TTC34: variants seen among roughly 807,000 people sequenced by gnomAD.
The protein encoded by TTC34 is tetratricopeptide repeat domain 34, also known as tetratricopeptide repeat protein 34.
TTC34 carries 44 observed loss-of-function variants against 40.7 expected under a neutral mutation model. That is an observed-to-expected ratio of 1.08 (90% CI 0.85 to 1.39). TTC34 has a LOEUF of 1.39. Ranked by LOEUF, TTC34 falls within the 40% of genes most tolerant of loss-of-function variation. The probability of loss-of-function intolerance (pLI) is 0.00; values close to 1 mark genes in which losing one functional copy is unlikely to be tolerated. For missense variants in TTC34, 884 were observed against 838.0 expected, an observed-to-expected ratio of 1.05 and a Z score of -0.68; for synonymous variants, 422 against 398.6, an observed-to-expected ratio of 1.06 and a Z score of -0.70.
chr1:2,751,875 G>A lies in TTC34; in HGVS notation c.2226+31734C>T, dbSNP rs1350618420. Among the ~76,000 whole-genome samples the A allele has an allele frequency of 3.6e-5, 4 of 112,578 alleles. 1 individual carries two copies. Among genetic ancestry groups the A allele is most frequent in the Non-Finnish European group, 6.9e-5 (4 of 57,606 alleles). 73.9% of individuals were successfully genotyped at this position (112,578 alleles called of 152,430 possible). A position where few individuals can be genotyped will look rare whatever the true frequency, so the allele number is the denominator to read the frequency against. On this transcript the variant is annotated intron_variant, in intron 6 of 8. Coordinates refer to ENST00000401095, the Ensembl canonical transcript of TTC34. ...CCCCAAGTGAGCATCCGACAGCCTG[G>A]AGCAGCACCCACACCCCCAGGTGAG... is the stretch of plus-strand genomic sequence containing the variant.
intron 6 of TTC34, among the ~76,000 whole-genome samples, chr1:2,687,610 C>T (rs1486078843): frequency 6.9e-6 from 1 of 145,944 alleles, no homozygotes; most frequent in Admixed American, 6.8e-5. Flanking sequence ...CCCACACCCC[C>T]AGGTGAGCAG....
chr1:2,645,146 G>T lies in TTC34; in HGVS notation c.2497+147C>A. On this transcript the variant is annotated intron_variant, in intron 7 of 8. Coordinates refer to ENST00000401095, the Ensembl canonical transcript of TTC34. This position sits in a 1 kb window ranked among gnomAD's most constrained non-coding sequence, Gnocchi z 4.7. ...GCCTCACACAGGGAGCAGGGCCAGAGGTCATGGGATTTGGGGTGGAAGGGA... is the reference window on the plus strand; with the variant it reads ...GCCTCACACAGGGAGCAGGGCCAGATGTCATGGGATTTGGGGTGGAAGGGA... 1 of 995,434 alleles carries T rather than the reference G, an allele frequency of 1.0e-6. No homozygotes were observed. The highest frequency in any genetic ancestry group is 2.5e-5 in the South Asian group (1 of 39,776). The allele number at this position is 995,434 out of a possible 1,614,324, so 61.7% of individuals were successfully genotyped here. A position where few individuals can be genotyped will look rare whatever the true frequency, so the allele number is the denominator to read the frequency against.
intron 8 of TTC34, among the ~76,000 whole-genome samples, chr1:2,643,160 G>T (rs916156262): frequency 6.6e-6 from 1 of 152,148 alleles, no homozygotes. Context: ...CGCTCAATCC[G>T]ACCCCAGACT....
At chr1:2,640,706 C>T (rs1284375506) in exon 9 of TTC34, 1 of 152,040 alleles carries the variant, frequency 6.6e-6, no homozygotes, top group African/African-American at 2.4e-5. Flanking sequence ...CGCAGCTTCA[C>T]ACCCAGGGAG....
rs895716547 is a variant in TTC34, at chr1:2,796,399, C to T, written c.784+3645G>A. Among the ~76,000 whole-genome samples the T allele has an allele frequency of 1.3e-5, 2 of 152,160 alleles. No individual in the cohort carries two copies. The highest frequency in any genetic ancestry group is 2.4e-5 in the African/African-American group (1 of 41,428). On this transcript the variant is annotated intron_variant, in intron 2 of 8. Transcript: ENST00000401095. This position sits in a 1 kb window ranked among gnomAD's most constrained non-coding sequence, Gnocchi z 4.5. ...TAAGCCATGCTTGTGCTGGTGCTGG[C>T]GATGTGGGGAGTCCCTTGACCGAAG...
In TTC34 at chr1:2,786,800, C is replaced by T. The variant is rs548118437; in HGVS notation, c.1854+681G>A. On this transcript the variant is annotated intron_variant, in intron 4 of 8. Transcript: ENST00000401095. ...GACTCCATCCGAAGGAGGCCCAATG[C>T]TGCCCCCTGCTGGCTGCTGGTGGGC... 4.9e-4 allele frequency among the ~76,000 whole-genome samples: 75 copies of T among 152,338 alleles called. No homozygotes were observed. In the South Asian group the frequency reaches 7.4e-3, roughly 15 times the overall value.
chr1:2,687,105 C>T (rs540838983), intron 6 of TTC34, among the ~76,000 whole-genome samples: 2 of 137,812 alleles, frequency 1.5e-5, no homozygotes, highest in South Asian at 2.3e-4. Flanking sequence ...CATCCGACAT[C>T]GTGGAGTAGC....
At chr1:2,686,811 G>C (rs1640378354) in intron 6 of TTC34, among the ~76,000 whole-genome samples, 2 of 138,166 alleles carry the variant, frequency 1.4e-5, no homozygotes, top group Admixed American at 1.5e-4. Flanking sequence ...ACCCCCAGGC[G>C]AGCATCTGAC....
At chr1:2,641,890 C>G in exon 9 of TTC34, 1 of 1,481,066 alleles carries the variant, frequency 6.8e-7, no homozygotes, top group Non-Finnish European at 8.9e-7. Flanking sequence ...CTTCCTGGGC[C>G]GCCGCCTGCA....
chr1:2,747,699 T>TTG (rs1641198156), intron 6 of TTC34, among the ~76,000 whole-genome samples: 1 of 108,250 alleles, frequency 9.2e-6, no homozygotes, highest in African/African-American at 4.9e-5. Context: ...ATCTGACAGC[T>TTG]TGGAACAGCA....
intron 6 of TTC34, among the ~76,000 whole-genome samples, chr1:2,694,015 A>G (rs1335126125): frequency 7.7e-4 from 45 of 58,770 alleles, no homozygotes; most frequent in Middle Eastern, 0.04. Flanking sequence ...ACCGCCTGGA[A>G]CAGCACCCAC....
intron 6 of TTC34, among the ~76,000 whole-genome samples, chr1:2,699,449 C>T (rs949529299): frequency 8.9e-6 from 1 of 112,344 alleles, no homozygotes; most frequent in Non-Finnish European, 2.1e-5. Flanking sequence ...AACATCACCC[C>T]GCACCCACAG....
At chr1:2,759,470 AC>A (rs1449547428) in intron 6 of TTC34, among the ~76,000 whole-genome samples, 238 of 5,884 alleles carry the variant, frequency 0.04, 1 homozygote, top group Middle Eastern at 0.12. Flanking sequence ...CTGGAGCAGC[AC>A]CCCACACCCC....
exon 2 of TTC34, chr1:2,800,843 G>C (rs1643765057): frequency 2.5e-6 from 1 of 398,600 alleles, no homozygotes; most frequent in Non-Finnish European, 4.4e-6. Flanking sequence ...GGACCCCGAC[G>C]GGCCCATGTC....
At chr1:2,777,352 A>G (rs1373418967) in intron 6 of TTC34, among the ~76,000 whole-genome samples, 2 of 143,758 alleles carry the variant, frequency 1.4e-5, no homozygotes, top group Non-Finnish European at 3.0e-5. Context: ...GGAGCATCTG[A>G]CAGCCTGGAG....
chr1:2,681,778 C>T (rs1640085413), intron 6 of TTC34, among the ~76,000 whole-genome samples: 2 of 124,428 alleles, frequency 1.6e-5, no homozygotes, highest in East Asian at 2.2e-4. Flanking sequence ...TGGGTCGGCA[C>T]CCACACCCCC....
At chr1:2,775,815 G>C in intron 6 of TTC34, among the ~76,000 whole-genome samples, 1 of 146,232 alleles carries the variant, frequency 6.8e-6, no homozygotes, top group East Asian at 2.0e-4. Context: ...CTGACAGCCT[G>C]GAGCAGCAGT....
chr1:2,768,408 C>A (rs1392792924), intron 6 of TTC34, among the ~76,000 whole-genome samples: 1 of 151,794 alleles, frequency 6.6e-6, no homozygotes, highest in Non-Finnish European at 1.5e-5. Flanking sequence ...CCCGGAACAA[C>A]ACCCTCCACC....
intron 6 of TTC34, among the ~76,000 whole-genome samples, chr1:2,675,189 C>T (rs1639858424): frequency 2.7e-5 from 4 of 148,046 alleles, no homozygotes; most frequent in Non-Finnish European, 4.5e-5. Flanking sequence ...CATCCTGGAG[C>T]AGCACCGACA....
Sources: gnomAD v4.1 joint callset for allele counts (sites outside exome capture counted in the v4.1 genomes callset) on GRCh38, gnomAD v4.1.1 for gene constraint, Gnocchi (gnomAD v3.1) non-coding constraint, MANE v1.5 for transcripts, NCBI Gene and HGNC (gene_info 2026-07-23, HGNC 2026-07-21) for gene names.